RIMS2: variants seen among roughly 807,000 people sequenced by gnomAD.
The protein encoded by RIMS2 is regulating synaptic membrane exocytosis protein 2.
In RIMS2, 59 loss-of-function variants were observed where a neutral mutation model predicts 174.4. The observed-to-expected ratio is 0.34, with a 90% CI of 0.27 to 0.42. The LOEUF is 0.42. RIMS2 is among the 10% of genes least tolerant of loss of function. The pLI is 1.00. For missense variants in RIMS2, 1,620 were observed against 1,666.3 expected (o/e 0.97, Z 0.48); for synonymous variants, 606 against 572.5 (o/e 1.06, Z -0.84).
At position 103,941,246 on chromosome 8, in the gene RIMS2, C is replaced by T. The variant is rs142215058; in HGVS notation, c.2548-1527C>T. On this transcript the variant is annotated intron_variant, in intron 13 of 23. Coordinates refer to ENST00000504942, the Ensembl canonical transcript of RIMS2. ...CTTGTAATACCAATCCTTTGGGAAG[C>T]GGAGACAGGGGGATAGCTTGAGACC... Among the ~76,000 whole-genome samples, 439 of 151,888 alleles carry T rather than the reference C, an allele frequency of 2.9e-3. 1 individual carries two copies. The highest frequency in any genetic ancestry group is 9.9e-3 in the African/African-American group (410 of 41,418).
chr8:103,732,302 C>T (rs1368621745), intron 2 of RIMS2, among the ~76,000 whole-genome samples: 1 of 152,176 alleles, frequency 6.6e-6, no homozygotes. Context: ...AGAAATGGAG[C>T]CTCTCTTTGT....
In RIMS2 at chr8:104,093,704, G is replaced by T. The variant is rs771261865; in HGVS notation, c.3334+79089G>T. On this transcript the variant is annotated intron_variant, in intron 19 of 23. Coordinates refer to ENST00000504942, the Ensembl canonical transcript of RIMS2. ...GTTTTAGAAGGTCTTTATGTTTCCCGGATGAACATAAAATTATTTATTTCT... is the reference window on the plus strand; with the variant it reads ...GTTTTAGAAGGTCTTTATGTTTCCCTGATGAACATAAAATTATTTATTTCT... The T allele has an allele frequency of 2.4e-5, 31 of 1,280,620 alleles. No homozygotes were observed. In the Admixed American group the frequency reaches 6.0e-4, roughly 25 times the overall value. The allele number at this position is 1,280,620 out of a possible 1,614,324, so 79.3% of individuals were successfully genotyped here. A position where few individuals can be genotyped will look rare whatever the true frequency, so the allele number is the denominator to read the frequency against.
intron 19 of RIMS2, among the ~76,000 whole-genome samples, chr8:104,018,392 T>C (rs1385562427): frequency 1.3e-5 from 2 of 152,184 alleles, no homozygotes; most frequent in East Asian, 1.9e-4. Flanking sequence ...GAATAGATTG[T>C]TTTTCACAAC....
At chr8:104,234,438 GA>G (rs2099248335) in intron 19 of RIMS2, among the ~76,000 whole-genome samples, 1 of 151,590 alleles carries the variant, frequency 6.6e-6, no homozygotes, top group African/African-American at 2.4e-5. Context: ...AAAAGCCAAG[GA>G]GTGAGGTAGT....
chr8:103,988,341 A>T lies in RIMS2; in HGVS notation c.2928-964A>T, dbSNP rs56406426. Among the ~76,000 whole-genome samples, 379 of 152,346 alleles carry T rather than the reference A, an allele frequency of 2.5e-3. 1 individual carries two copies. The highest frequency in any genetic ancestry group is 3.9e-3 in the Non-Finnish European group (263 of 68,032). On this transcript the variant is annotated intron_variant, in intron 16 of 23. Transcript: ENST00000504942. ...AATTAGCTCACCAATGGAATAAATT[A>T]AAAACTGGACTCCTATCTTTCATCC...
intron 3 of RIMS2, among the ~76,000 whole-genome samples, chr8:103,862,724 G>T (rs967970110): frequency 1.3e-5 from 2 of 151,882 alleles, no homozygotes; most frequent in Non-Finnish European, 2.9e-5. Flanking sequence ...TTATTTTGTT[G>T]TGGCTATTGT....
chr8:104,241,971 G>A (rs2099301166), intron 19 of RIMS2, among the ~76,000 whole-genome samples: 1 of 151,964 alleles, frequency 6.6e-6, no homozygotes, highest in South Asian at 2.1e-4. Context: ...TGTTGGTCAG[G>A]CTGATCTCAA....
intron 1 of RIMS2, among the ~76,000 whole-genome samples, chr8:103,658,287 G>A (rs2096555745): frequency 1.3e-5 from 2 of 152,200 alleles, no homozygotes; most frequent in East Asian, 3.9e-4. Flanking sequence ...CCTTCTCTTA[G>A]GTGGTAATGA....
chr8:103,538,571 C>T (rs1484365512), intron 1 of RIMS2, among the ~76,000 whole-genome samples: 1 of 151,810 alleles, frequency 6.6e-6, no homozygotes, highest in Non-Finnish European at 1.5e-5. Flanking sequence ...GGCTGGACTA[C>T]AGTGGCGCAA....
At chr8:103,627,916 A>G (rs572088643) in intron 1 of RIMS2, among the ~76,000 whole-genome samples, 12 of 152,312 alleles carry the variant, frequency 7.9e-5, no homozygotes, top group South Asian at 2.1e-4. Flanking sequence ...TGCCTTTCAA[A>G]ACCTAAATGC....
intron 1 of RIMS2, among the ~76,000 whole-genome samples, chr8:103,552,553 A>T (rs149444902): frequency 0.064 from 9,741 of 152,294 alleles, 395 homozygotes; most frequent in South Asian, 0.088. Context: ...GGACTTCATG[A>T]CTAAAACACC....
At chr8:104,030,071 T>C (rs777739244) in intron 19 of RIMS2, among the ~76,000 whole-genome samples, 2 of 152,220 alleles carry the variant, frequency 1.3e-5, no homozygotes, top group Non-Finnish European at 2.9e-5. Flanking sequence ...TGGTTTCATC[T>C]TTCCAGTTAT....
intron 16 of RIMS2, chr8:103,977,615 A>C (rs1344066530): frequency 6.6e-6 from 1 of 152,322 alleles, no homozygotes; most frequent in East Asian, 1.9e-4. Flanking sequence ...CTGACACTGT[A>C]ATCTGGAAAT....
chr8:104,131,916 A>G (rs1322527510), intron 19 of RIMS2, among the ~76,000 whole-genome samples: 3 of 152,170 alleles, frequency 2.0e-5, no homozygotes, highest in African/African-American at 7.2e-5. Flanking sequence ...AATTTTGAAA[A>G]GAAGTAAATA....
chr8:104,091,099 T>C (rs994322624), intron 19 of RIMS2, among the ~76,000 whole-genome samples: 1 of 151,790 alleles, frequency 6.6e-6, no homozygotes, highest in African/African-American at 2.4e-5. Context: ...ATCCATATTT[T>C]AACAGATGAA....
chr8:103,819,941 G>C (rs1316392303), intron 3 of RIMS2, among the ~76,000 whole-genome samples: 1 of 151,960 alleles, frequency 6.6e-6, no homozygotes, highest in African/African-American at 2.4e-5. Context: ...TTTTCTTTGT[G>C]ATCATGGCAG....
At position 103,801,027 on chromosome 8, in the gene RIMS2, T is replaced by G. The variant is rs575105980; in HGVS notation, c.698+34490T>G. Among the ~76,000 whole-genome samples, 64 of 152,248 alleles carry G rather than the reference T, an allele frequency of 4.2e-4. No homozygotes were observed. The South Asian group carries it at 8.3e-3, about 20-fold the overall frequency. On this transcript the variant is annotated intron_variant, in intron 3 of 23. Coordinates refer to ENST00000504942, the Ensembl canonical transcript of RIMS2. The stretch of plus-strand genomic sequence containing the variant: ...TCTATTTTTGAGATGAAGTCTTGCT[T>G]TGTCGCCCAGGCTGGAGTGCGGTGG...
rs7004328 is a variant in RIMS2, at chr8:103,717,336, C to T, written c.387+20040C>T. The stretch of plus-strand genomic sequence containing the variant: ...AAAAAAAAAAAAACCTGTAGGAATC[C>T]TCCCAAATTTTAGATGCAGTTTTGA... On this transcript the variant is annotated intron_variant, in intron 2 of 23. Transcript: ENST00000504942. 6.9e-3 allele frequency among the ~76,000 whole-genome samples: 1,042 copies of T among 150,046 alleles called. 7 individuals are homozygous for T. Among genetic ancestry groups the T allele is most frequent in the African/African-American group, 0.024 (989 of 40,986 alleles).
At chr8:103,847,987 A>G (rs951585291) in intron 3 of RIMS2, among the ~76,000 whole-genome samples, 4 of 81,326 alleles carry the variant, frequency 4.9e-5, no homozygotes, top group Non-Finnish European at 8.3e-5. Flanking sequence ...TCTGGTACAC[A>G]TAAGTATGTA....
Sources: allele counts gnomAD v4.1 joint callset (sites outside exome capture counted in the v4.1 genomes callset), GRCh38; gene constraint gnomAD v4.1.1; transcripts MANE v1.5; gene names NCBI Gene and HGNC (gene_info 2026-07-23, HGNC 2026-07-21).